Variants in ITPRID1 observed in about 807,000 individuals in gnomAD.
The protein encoded by ITPRID1 is protein ITPRID1.
A neutral mutation model predicts 95.4 loss-of-function variants in ITPRID1; 96 were observed. That is an observed-to-expected ratio of 1.01 (90% CI 0.85 to 1.19). The LOEUF (loss-of-function observed/expected upper bound fraction) is 1.19. Among genes scored for constraint, ITPRID1 ranks in the 50% most tolerant of loss-of-function variants. ITPRID1 has a pLI of 0.00. For synonymous variants in ITPRID1, 510 were observed against 453.6 expected (o/e 1.12, Z -1.58); for missense variants, 1,339 against 1,252.9 (o/e 1.07, Z -1.04).
intron 7 of ITPRID1, among the ~76,000 whole-genome samples, chr7:31,573,737 G>A (rs1004610071): frequency 6.6e-6 from 1 of 151,232 alleles, no homozygotes; most frequent in Non-Finnish European, 1.5e-5. Flanking sequence ...GTTCAGACAT[G>A]AATTGGCATA....
chr7:31,514,785 CTAGA>C (rs1299722490), intron 1 of ITPRID1, among the ~76,000 whole-genome samples: 2 of 151,794 alleles, frequency 1.3e-5, no homozygotes, highest in South Asian at 4.1e-4. Context: ...TCCAACCAGA[CTAGA>C]TAGCATATTT....
At chr7:31,615,563 T>C (rs1787123057) in intron 10 of ITPRID1, among the ~76,000 whole-genome samples, 1 of 152,162 alleles carries the variant, frequency 6.6e-6, no homozygotes, top group South Asian at 2.1e-4. Flanking sequence ...GTATAGTCCT[T>C]GGTACTCTCT....
chr7:31,595,470 A>AAAC (rs1211042697), intron 10 of ITPRID1, among the ~76,000 whole-genome samples: 1 of 152,136 alleles, frequency 6.6e-6, no homozygotes, highest in East Asian at 1.9e-4. Flanking sequence ...CAAACAAACA[A>AAAC]AACAAAATGA....
intron 10 of ITPRID1, among the ~76,000 whole-genome samples, chr7:31,606,309 C>T (rs868291830): frequency 1.6e-4 from 25 of 152,126 alleles, no homozygotes; most frequent in African/African-American, 5.8e-4. Context: ...GGACCTGACA[C>T]CACCTAGAAG....
chr7:31,553,878 T>C (rs1784365298), intron 3 of ITPRID1, among the ~76,000 whole-genome samples: 4 of 152,196 alleles, frequency 2.6e-5, no homozygotes, highest in Admixed American at 2.6e-4. Context: ...CTTTACATCC[T>C]CTCCTTTTTA....
intron 10 of ITPRID1, among the ~76,000 whole-genome samples, chr7:31,609,005 C>G (rs1376393415): frequency 6.6e-6 from 1 of 151,502 alleles, no homozygotes; most frequent in Non-Finnish European, 1.5e-5. Context: ...AGTTCTCTTC[C>G]TAGTTTGTTG....
chr7:31,617,193 T>C (rs1351112580), intron 10 of ITPRID1, among the ~76,000 whole-genome samples: 1 of 152,184 alleles, frequency 6.6e-6, no homozygotes. Context: ...GAAGGGAAGA[T>C]CCTATTATTT....
At chr7:31,538,784 G>A (rs1783841150) in intron 1 of ITPRID1, among the ~76,000 whole-genome samples, 2 of 152,162 alleles carry the variant, frequency 1.3e-5, no homozygotes, top group Admixed American at 1.3e-4. Context: ...TGATCACTTG[G>A]TTAAGGAAGC....
chr7:31,561,621 A>C (rs1011684684), intron 5 of ITPRID1, among the ~76,000 whole-genome samples: 1 of 152,260 alleles, frequency 6.6e-6, no homozygotes, highest in East Asian at 1.9e-4. Flanking sequence ...GCACTTCCCA[A>C]AGGATGGACT....
intron 4 of ITPRID1, 149 bp downstream of exon 4, chr7:31,554,672 C>A (rs990695504): frequency 2.7e-5 from 31 of 1,136,598 alleles, no homozygotes; most frequent in Admixed American, 5.0e-5. Flanking sequence ...ATTGTAAAAA[C>A]TATGTATCAG....
intron 10 of ITPRID1, among the ~76,000 whole-genome samples, chr7:31,626,463 A>G (rs1193600106): frequency 6.6e-6 from 1 of 152,158 alleles, no homozygotes; most frequent in Non-Finnish European, 1.5e-5. Context: ...TTTTCCCACT[A>G]TATTTCTGTT....
At chr7:31,649,962 AGAGTAG>A (rs1790806298) in intron 12 of ITPRID1, among the ~76,000 whole-genome samples, 2 of 152,186 alleles carry the variant, frequency 1.3e-5, no homozygotes, top group Non-Finnish European at 2.9e-5. Context: ...GGGAGGGTGA[AGAGTAG>A]GGGCTCAGTA....
At chr7:31,567,293 C>T (rs759618939) in intron 5 of ITPRID1, among the ~76,000 whole-genome samples, 3 of 152,144 alleles carry the variant, frequency 2.0e-5, no homozygotes, top group African/African-American at 4.8e-5. Context: ...TATATATTCT[C>T]TTTATGTTTT....
chr7:31,602,154 TA>T (rs1786421763), intron 10 of ITPRID1, among the ~76,000 whole-genome samples: 1 of 152,192 alleles, frequency 6.6e-6, no homozygotes, highest in African/African-American at 2.4e-5. Flanking sequence ...GCCTTGTTTT[TA>T]AAATATTACA....
rs1315151749 is a variant in ITPRID1, at chr7:31,604,219, A to G, written c.1228+21028A>G. On this transcript the variant is annotated intron_variant, in intron 10 of 14. Coordinates refer to ENST00000615280, the MANE Select transcript of ITPRID1 (RefSeq NM_001257967.3). The stretch of plus-strand genomic sequence containing the variant: ...ACAGGCACTACATAAAGCACTTTAC[A>G]TTCTTAATTCATCCTTAAAACCACC... 5.9e-5 allele frequency among the ~76,000 whole-genome samples: 9 copies of G among 152,178 alleles called. No homozygotes were observed. The East Asian group carries it at 1.7e-3, about 29-fold the overall frequency.
chr7:31,572,062 A>G (rs1785009002), intron 6 of ITPRID1, 40 bp from the exon 7 acceptor site: 1 of 1,341,610 alleles, frequency 7.5e-7, no homozygotes, highest in Admixed American at 1.8e-5. Context: ...GAGACTATCT[A>G]AATCAACACA....
At chr7:31,568,848 T>C (rs1369529836) in intron 5 of ITPRID1, among the ~76,000 whole-genome samples, 1 of 152,230 alleles carries the variant, frequency 6.6e-6, no homozygotes, top group Non-Finnish European at 1.5e-5. Flanking sequence ...GATGCTCTGT[T>C]GGCAGTGTGG....
chr7:31,648,601 G>T (rs1196100086), intron 12 of ITPRID1, among the ~76,000 whole-genome samples: 1 of 151,944 alleles, frequency 6.6e-6, no homozygotes, highest in African/African-American at 2.4e-5. Context: ...ATCACAAAAG[G>T]CTACCCCAAA....
At chr7:31,586,229 C>T (rs1785599548) in intron 10 of ITPRID1, among the ~76,000 whole-genome samples, 1 of 131,224 alleles carries the variant, frequency 7.6e-6, no homozygotes, top group Admixed American at 7.9e-5. Flanking sequence ...TTTCTTAATC[C>T]AGTCTATCAT....
Sources: gnomAD v4.1 joint callset for allele counts (sites outside exome capture counted in the v4.1 genomes callset) on GRCh38, gnomAD v4.1.1 for gene constraint, MANE v1.5 for transcripts, NCBI Gene and HGNC (gene_info 2026-07-23, HGNC 2026-07-21) for gene names.